TBC1D15: variants seen among roughly 807,000 people sequenced by gnomAD.
The protein encoded by TBC1D15 is GAP for RAB7.
Under a neutral mutation model 95.4 loss-of-function variants are expected in TBC1D15, and 39 were observed. The ratio of observed to expected loss-of-function variants is 0.41; its 90% CI spans 0.32 to 0.53. The LOEUF (loss-of-function observed/expected upper bound fraction) is 0.53, where lower values mean the gene tolerates loss of function less well. Ranked by LOEUF, TBC1D15 falls within the 20% of genes least tolerant of loss-of-function variation. TBC1D15 has a pLI of 0.29. For synonymous variants in TBC1D15, 258 were observed against 261.3 expected (o/e 0.99, Z 0.12); for missense variants, 733 against 794.3 (o/e 0.92, Z 0.93).
At chr12:71,917,248 C>CAGTGTTTA (rs1903934070) in intron 12 of TBC1D15, among the ~76,000 whole-genome samples, 1 of 152,032 alleles carries the variant, frequency 6.6e-6, no homozygotes, top group Admixed American at 6.6e-5. Flanking sequence ...ATGGTTTTGG[C>CAGTGTTTA]TTTACAGATT....
chr12:71,893,136 G>A, intron 5 of TBC1D15, 86 bp from the exon 6 acceptor site: 1 of 554,144 alleles, frequency 1.8e-6, no homozygotes, highest in Admixed American at 4.9e-5. Context: ...TTTTTTTTTG[G>A]TAAGGAACAT....
At chr12:71,866,677 C>T (rs778478372) in intron 1 of TBC1D15, among the ~76,000 whole-genome samples, 5 of 152,182 alleles carry the variant, frequency 3.3e-5, no homozygotes, top group Non-Finnish European at 7.3e-5. Context: ...TTATGAACTC[C>T]TAGGCTCAAC....
intron 4 of TBC1D15, 109 bp from the exon 5 acceptor site, chr12:71,884,702 A>T: frequency 3.4e-6 from 3 of 893,036 alleles, no homozygotes; most frequent in Admixed American, 2.2e-5. Flanking sequence ...TAAGTGCTAT[A>T]CTGATTCCCT....
rs1004356050 is a variant in TBC1D15, at chr12:71,871,869, C to G, written c.31-201C>G. ...AATCTGATAAACTTTCATGCATTAACAAAGCAGAATTAATTCCAGTTTATG... is the reference window on the plus strand; with the variant it reads ...AATCTGATAAACTTTCATGCATTAAGAAAGCAGAATTAATTCCAGTTTATG... On this transcript the variant is annotated intron_variant, in intron 1 of 16. Coordinates refer to ENST00000485960, the MANE Select transcript of TBC1D15 (RefSeq NM_001146213.3). 2.0e-5 allele frequency among the ~76,000 whole-genome samples: 3 copies of G among 152,326 alleles called. No homozygotes were observed. In the East Asian group the frequency reaches 5.8e-4, roughly 29 times the overall value.
intron 10 of TBC1D15, among the ~76,000 whole-genome samples, chr12:71,906,274 TAATC>T (rs1900693343): frequency 6.6e-6 from 1 of 152,238 alleles, no homozygotes; most frequent in Non-Finnish European, 1.5e-5. Flanking sequence ...TACAGTAAAT[TAATC>T]AAGAGTTTGT....
chr12:71,868,454 G>A (rs1222442824), intron 1 of TBC1D15, among the ~76,000 whole-genome samples: 1 of 151,930 alleles, frequency 6.6e-6, no homozygotes, highest in African/African-American at 2.4e-5. Context: ...CACCGTGTTA[G>A]CCAGGACGGT....
chr12:71,863,396 GAAAA>G (rs1890807504), intron 1 of TBC1D15, among the ~76,000 whole-genome samples: 1 of 151,958 alleles, frequency 6.6e-6, no homozygotes, highest in South Asian at 2.1e-4. Flanking sequence ...GAAAAGAAAA[GAAAA>G]GAAATCTGCT....
intron 11 of TBC1D15, among the ~76,000 whole-genome samples, chr12:71,910,337 C>T (rs7975651): frequency 0.13 from 18,859 of 139,908 alleles, 2,054 homozygotes; most frequent in African/African-American, 0.32. Flanking sequence ...ATTGACTTGG[C>T]AATGCAGGCT....
intron 4 of TBC1D15, among the ~76,000 whole-genome samples, chr12:71,883,124 CTTTTTTTCTTT>C (rs1895546160): frequency 6.8e-6 from 1 of 147,756 alleles, no homozygotes; most frequent in Non-Finnish European, 1.5e-5. Context: ...GGGTTTCTTT[CTTTTTTTCTTT>C]TTTTTTTCAT....
intron 1 of TBC1D15, among the ~76,000 whole-genome samples, chr12:71,847,373 T>C (rs1384819791): frequency 6.6e-6 from 1 of 151,642 alleles, no homozygotes; most frequent in African/African-American, 2.4e-5. Flanking sequence ...TGGTGTTGTA[T>C]GTATCATTAG....
rs532073769 is a variant in TBC1D15 at position 71,871,168 on chromosome 12, C to A, written c.31-902C>A. The stretch of plus-strand genomic sequence containing the variant: ...GCTTAACCTTAAATGTTTAAACTTA[C>A]TTAGGAGTTAACTTAAGTCTCCCCT... On this transcript the variant is annotated intron_variant, in intron 1 of 16. Transcript: ENST00000485960. Among the ~76,000 whole-genome samples, 145 of 152,260 alleles carry A rather than the reference C, an allele frequency of 9.5e-4. 3 individuals carry two copies. In the South Asian group the frequency reaches 0.028, roughly 29 times the overall value.
At chr12:71,896,309 C>T in intron 8 of TBC1D15, 1 of 429,228 alleles carries the variant, frequency 2.3e-6, no homozygotes, top group Non-Finnish European at 4.1e-6. Context: ...TGGGTAGACC[C>T]TTAACTCTGG....
At chr12:71,908,906 CTT>C (rs1901481918) in intron 11 of TBC1D15, among the ~76,000 whole-genome samples, 1 of 152,158 alleles carries the variant, frequency 6.6e-6, no homozygotes, top group Non-Finnish European at 1.5e-5. Flanking sequence ...GGCTGGAATT[CTT>C]ACCTCTACAC....
At chr12:71,847,328 G>A (rs1190659916) in intron 1 of TBC1D15, among the ~76,000 whole-genome samples, 3 of 151,756 alleles carry the variant, frequency 2.0e-5, no homozygotes, top group African/African-American at 7.3e-5. Context: ...TTTTTGTATG[G>A]CTTTCTTTAT....
At chr12:71,918,664 C>A (rs1272634024) in intron 14 of TBC1D15, 116 bp downstream of exon 14, 1 of 637,436 alleles carries the variant, frequency 1.6e-6, no homozygotes, top group Non-Finnish European at 2.5e-6. Flanking sequence ...CAAGTATGTT[C>A]CAAAATTCTG....
At position 71,896,079 on chromosome 12, in the gene TBC1D15, A is replaced by T. The variant is rs1267353888; in HGVS notation, c.984+4A>T. The stretch of plus-strand genomic sequence containing the variant: ...GAAGCAGATGATATTTAGAGGGGTA[A>T]TTTAAACACTCTAATATGGCTTGTC... On this transcript the variant is annotated splice_donor_region_variant and intron_variant, in intron 8 of 16. Transcript: ENST00000485960. 1 of 1,605,062 alleles carries T rather than the reference A, an allele frequency of 6.2e-7. No homozygotes were observed. The highest frequency in any genetic ancestry group is 8.5e-7 in the Non-Finnish European group (1 of 1,173,600).
intron 1 of TBC1D15, among the ~76,000 whole-genome samples, chr12:71,851,965 C>T (rs541121496): frequency 2.4e-4 from 37 of 152,190 alleles, no homozygotes; most frequent in Admixed American, 5.9e-4. Flanking sequence ...GTGGAGGCAC[C>T]GATACTACAT....
intron 5 of TBC1D15, among the ~76,000 whole-genome samples, chr12:71,890,747 GAT>G (rs1940338032): frequency 6.6e-6 from 1 of 152,146 alleles, no homozygotes; most frequent in South Asian, 2.1e-4. Flanking sequence ...ATATTTTTCA[GAT>G]AGTTTTCTTA....
chr12:71,881,475 T>A (rs368969594), intron 4 of TBC1D15, among the ~76,000 whole-genome samples: 1 of 152,164 alleles, frequency 6.6e-6, no homozygotes, highest in Admixed American at 6.5e-5. Context: ...TCTGGAGATA[T>A]AGCCTGGGCA....
Sources: allele counts gnomAD v4.1 joint callset (sites outside exome capture counted in the v4.1 genomes callset), GRCh38; gene constraint gnomAD v4.1.1; transcripts MANE v1.5; gene names NCBI Gene and HGNC (gene_info 2026-07-23, HGNC 2026-07-21).